CTNNA3: variants seen among roughly 807,000 people sequenced by gnomAD.
The protein encoded by CTNNA3 is catenin alpha-3.
In CTNNA3, 76 loss-of-function variants were observed where a neutral mutation model predicts 95.7. The ratio of observed to expected loss-of-function variants is 0.79; its 90% CI spans 0.66 to 0.96. The LOEUF (loss-of-function observed/expected upper bound fraction) is 0.96. CTNNA3 is among the 40% of genes least tolerant of loss of function. The pLI, the probability that CTNNA3 is intolerant of heterozygous loss-of-function variation, is 0.00. For synonymous variants in CTNNA3, 431 were observed against 374.4 expected, an observed-to-expected ratio of 1.15 and a Z score of -1.74; for missense variants, 1,191 against 1,089.8, an observed-to-expected ratio of 1.09 and a Z score of -1.31.
chr10:67,726,491 TACAATATATA>T (rs1841223738), intron 1 of CTNNA3, among the ~76,000 whole-genome samples: 1 of 63,948 alleles, frequency 1.6e-5, no homozygotes, highest in African/African-American at 7.0e-5. Flanking sequence ...TTATATCATA[TACAATATATA>T]ATATATTATA....
rs187550764 is a variant in CTNNA3, at chr10:66,287,565, T to A, written c.1733-6944A>T. On this transcript the variant is annotated intron_variant, in intron 12 of 17. Transcript: ENST00000433211. ...ATACCCACAAAACATTGCAGGACAC[T>A]TAGGATAAAGAGAAGAGCTACATCT... is the stretch of plus-strand genomic sequence containing the variant. Among the ~76,000 whole-genome samples, 7 of 152,028 alleles carry A rather than the reference T, an allele frequency of 4.6e-5. No individual in the cohort carries two copies. The East Asian group carries it at 1.4e-3, about 29-fold the overall frequency.
intron 7 of CTNNA3, among the ~76,000 whole-genome samples, chr10:67,159,022 C>G (rs10762144): frequency 0.64 from 97,791 of 151,966 alleles, 32,512 homozygotes; most frequent in African/African-American, 0.82. Context: ...CCCAGAGCCA[C>G]GCCTGAAACC....
chr10:66,429,939 A>T (rs1384053822), intron 11 of CTNNA3, among the ~76,000 whole-genome samples: 1 of 150,846 alleles, frequency 6.6e-6, no homozygotes, highest in African/African-American at 2.5e-5. Flanking sequence ...AGGGTATTCA[A>T]TTAGGAAAAG....
intron 3 of CTNNA3, among the ~76,000 whole-genome samples, chr10:67,576,729 A>C (rs1283311908): frequency 1.1e-5 from 1 of 92,102 alleles, no homozygotes; most frequent in Admixed American, 1.5e-4. Context: ...AACAGTCCCC[A>C]GAGTGTGATG....
intron 7 of CTNNA3, among the ~76,000 whole-genome samples, chr10:67,158,401 C>A (rs1045863892): frequency 1.3e-5 from 2 of 152,048 alleles, no homozygotes. Flanking sequence ...CTAATAAAAC[C>A]GGTCAAGCTT....
chr10:66,597,552 A>ATT (rs1554822933), intron 10 of CTNNA3, among the ~76,000 whole-genome samples: 36 of 130,494 alleles, frequency 2.8e-4, no homozygotes, highest in South Asian at 4.9e-4. Context: ...ATATATATAT[A>ATT]TATTTATTAA....
At chr10:66,484,704 A>C (rs1247843944) in intron 11 of CTNNA3, among the ~76,000 whole-genome samples, 1 of 152,072 alleles carries the variant, frequency 6.6e-6, no homozygotes, top group Non-Finnish European at 1.5e-5. Flanking sequence ...CCAAAAAAGA[A>C]AAGCTAAGGA....
At chr10:67,317,483 T>C (rs1243790854) in intron 5 of CTNNA3, among the ~76,000 whole-genome samples, 2 of 150,470 alleles carry the variant, frequency 1.3e-5, no homozygotes, top group African/African-American at 2.4e-5. Context: ...TGCAGTGCAG[T>C]GGCACAATCT....
chr10:66,725,248 G>A (rs1176147598), intron 9 of CTNNA3, among the ~76,000 whole-genome samples: 3 of 152,060 alleles, frequency 2.0e-5, no homozygotes, highest in African/African-American at 7.2e-5. Flanking sequence ...TAGATACTAA[G>A]GGCCAACTGT....
intron 5 of CTNNA3, among the ~76,000 whole-genome samples, chr10:67,435,640 T>G (rs186202754): frequency 4.1e-4 from 62 of 152,188 alleles, no homozygotes; most frequent in Non-Finnish European, 1.8e-4. Flanking sequence ...GGATACAAGA[T>G]TAATGTACAC....
chr10:66,719,722 A>G (rs374212767), intron 9 of CTNNA3, among the ~76,000 whole-genome samples: 1 of 152,320 alleles, frequency 6.6e-6, no homozygotes, highest in East Asian at 1.9e-4. Context: ...TCAGAGAAAC[A>G]TATTTGAGTC....
chr10:67,689,350 G>A (rs1159525147), intron 1 of CTNNA3, among the ~76,000 whole-genome samples: 2 of 152,120 alleles, frequency 1.3e-5, no homozygotes, highest in African/African-American at 2.4e-5. Context: ...GCCCAGATGG[G>A]ACTTTGGGCA....
At chr10:66,448,219 A>T (rs2131815382) in intron 11 of CTNNA3, among the ~76,000 whole-genome samples, 1 of 152,256 alleles carries the variant, frequency 6.6e-6, no homozygotes, top group South Asian at 2.1e-4. Context: ...ACACTTTTAC[A>T]CTGTTGGTGG....
intron 2 of CTNNA3, among the ~76,000 whole-genome samples, chr10:67,618,041 G>T (rs1843710282): frequency 6.6e-6 from 1 of 152,020 alleles, no homozygotes; most frequent in South Asian, 2.1e-4. Flanking sequence ...AAACTAAAGA[G>T]AAATTATATT....
intron 1 of CTNNA3, among the ~76,000 whole-genome samples, chr10:67,721,366 T>C (rs1180728522): frequency 6.6e-6 from 1 of 152,168 alleles, no homozygotes; most frequent in Non-Finnish European, 1.5e-5. Context: ...TTTTCATTTT[T>C]TTTTCTTTAA....
At chr10:67,493,230 G>A (rs796795257) in intron 5 of CTNNA3, among the ~76,000 whole-genome samples, 7 of 150,422 alleles carry the variant, frequency 4.7e-5, no homozygotes, top group African/African-American at 1.5e-4. Context: ...AAAAAAGCTC[G>A]CAAAAGGAAT....
At chr10:66,585,402 C>A (rs2132212019) in intron 10 of CTNNA3, among the ~76,000 whole-genome samples, 1 of 151,650 alleles carries the variant, frequency 6.6e-6, no homozygotes, top group African/African-American at 2.4e-5. Flanking sequence ...TTTTTGTTTA[C>A]TTTTGCTGTG....
At chr10:67,758,599 G>A (rs1322392105) in intron 1 of CTNNA3, among the ~76,000 whole-genome samples, 1 of 151,908 alleles carries the variant, frequency 6.6e-6, no homozygotes. Flanking sequence ...GTATTTTAAT[G>A]TAATCCTTAA....
At chr10:67,388,527 A>G (rs1415069006) in intron 5 of CTNNA3, among the ~76,000 whole-genome samples, 3 of 138,798 alleles carry the variant, frequency 2.2e-5, no homozygotes, top group Non-Finnish European at 4.7e-5. Flanking sequence ...CTAGCAAGGC[A>G]GGCCAACGTT....
Sources: gnomAD v4.1 joint callset for allele counts (sites outside exome capture counted in the v4.1 genomes callset) on GRCh38, gnomAD v4.1.1 for gene constraint, MANE v1.5 for transcripts, NCBI Gene and HGNC (gene_info 2026-07-23, HGNC 2026-07-21) for gene names.